The following EXOC1 variants were observed in gnomAD, a reference collection of about 807,000 sequenced individuals.
EXOC1 encodes the protein SEC3-like 1.
In EXOC1, 67 loss-of-function variants were observed where a neutral mutation model predicts 107.7. The observed-to-expected ratio is 0.62, with a 90% CI of 0.51 to 0.76. The LOEUF is 0.76. Ranked by LOEUF, EXOC1 falls within the 30% of genes least tolerant of loss-of-function variation. EXOC1 has a pLI of 0.00. For synonymous variants in EXOC1, 348 were observed against 353.5 expected (o/e 0.98, Z 0.17); for missense variants, 833 against 1,055.7 (o/e 0.79, Z 2.92).
rs200364809 is a variant in EXOC1, at chr4:55,867,028, TG to T, written c.416-1307del. On this transcript the variant is annotated intron_variant, in intron 4 of 18. Coordinates refer to ENST00000381295, the MANE Select transcript of EXOC1 (RefSeq NM_001024924.2). ...AAAATCTACATAGTAATAAAATTAA[TG>T]ATAGTATTTATTATTGGCTTTCAAG... 1,535 of 312,876 alleles carry T rather than the reference TG, an allele frequency of 4.9e-3. 101 individuals carry two copies. In the Admixed American group the frequency reaches 0.092, roughly 19 times the overall value. The allele number at this position is 312,876 out of a possible 1,614,324, so 19.4% of individuals were successfully genotyped here.
intron 3 of EXOC1, among the ~76,000 whole-genome samples, chr4:55,861,635 C>T (rs919943671): frequency 2.0e-5 from 3 of 152,204 alleles, no homozygotes; most frequent in African/African-American, 7.2e-5. Context: ...GTATTCTAGG[C>T]TTACTGGCCC....
At chr4:55,869,111 A>G (rs1197953315) in intron 5 of EXOC1, among the ~76,000 whole-genome samples, 3 of 152,158 alleles carry the variant, frequency 2.0e-5, no homozygotes, top group Non-Finnish European at 2.9e-5. Context: ...TACACCTGTA[A>G]TCTCAACACT....
chr4:55,875,163 T>C (rs1722775299), intron 8 of EXOC1, among the ~76,000 whole-genome samples: 1 of 152,160 alleles, frequency 6.6e-6, no homozygotes, highest in Non-Finnish European at 1.5e-5. Flanking sequence ...TTAGAAATTT[T>C]TCTCTCAACA....
intron 14 of EXOC1, 142 bp from the exon 15 acceptor site, chr4:55,893,410 A>G (rs1233902078): frequency 1.2e-5 from 9 of 770,766 alleles, no homozygotes; most frequent in African/African-American, 1.8e-5. Flanking sequence ...GTGAGCCACC[A>G]CGCCTGGCTA....
intron 11 of EXOC1, among the ~76,000 whole-genome samples, chr4:55,889,498 A>G (rs1724268389): frequency 6.6e-6 from 1 of 152,184 alleles, no homozygotes; most frequent in Non-Finnish European, 1.5e-5. Context: ...ACGGATACCA[A>G]AATTTTACCT....
chr4:55,864,461 T>C, intron 4 of EXOC1, 75 bp downstream of exon 4: 1 of 1,222,068 alleles, frequency 8.2e-7, no homozygotes. Context: ...ATCATTCAAA[T>C]TAATTAGAAT....
chr4:55,905,029 T>C lies in EXOC1; in HGVS notation c.*534T>C, dbSNP rs552390417. ...TTTCAAAAAAGTTGACATTTGATAATATTTTTAGGTCTATCATATGCTGTC... is the reference window on the plus strand; with the variant it reads ...TTTCAAAAAAGTTGACATTTGATAACATTTTTAGGTCTATCATATGCTGTC... On this transcript the variant is annotated 3_prime_UTR_variant, in exon 19 of 19. Coordinates refer to ENST00000381295, the MANE Select transcript of EXOC1 (RefSeq NM_001024924.2). The C allele has an allele frequency of 2.0e-5, 3 of 152,382 alleles. No individual in the cohort carries two copies. The Middle Eastern group carries it at 0.01, about 518-fold the overall frequency. The allele number at this position is 152,382 out of a possible 1,614,324, so 9.4% of individuals were successfully genotyped here.
chr4:55,860,608 A>G (rs1721385302), intron 3 of EXOC1, 67 bp downstream of exon 3: 1 of 1,535,094 alleles, frequency 6.5e-7, no homozygotes, highest in South Asian at 1.2e-5. Context: ...ATGGTATTAC[A>G]TATTCTAAAA....
intron 5 of EXOC1, among the ~76,000 whole-genome samples, chr4:55,870,190 T>A (rs1722300062): frequency 1.3e-5 from 2 of 152,232 alleles, no homozygotes; most frequent in South Asian, 4.1e-4. Context: ...TCCTTCAGAG[T>A]CTGGTATACC....
At chr4:55,870,632 G>T (rs1342735548) in intron 5 of EXOC1, 46 bp from the exon 6 acceptor site, 48 of 1,390,992 alleles carry the variant, frequency 3.5e-5, no homozygotes, top group Admixed American at 2.6e-4. Flanking sequence ...TATGTTTTTT[G>T]TTTGTTTGTT....
intron 8 of EXOC1, chr4:55,876,226 A>G (rs752972420): frequency 2.5e-4 from 248 of 985,198 alleles, no homozygotes; most frequent in Non-Finnish European, 2.9e-4. Flanking sequence ...ATTCTTCAAC[A>G]CTTTAGCTCT....
At chr4:55,862,812 C>T (rs1218299538) in intron 3 of EXOC1, among the ~76,000 whole-genome samples, 1 of 152,086 alleles carries the variant, frequency 6.6e-6, no homozygotes, top group Non-Finnish European at 1.5e-5. Flanking sequence ...TATTATTATT[C>T]TTTTACCCTG....
chr4:55,858,318 GA>G lies in EXOC1; in HGVS notation c.-2del. Reference sequence around the variant, plus strand: ...TCTATACTCCACATTTTTCAGCTGAGAAAAGATGACAGCAATCAAGCATGCA... The same window carrying G: ...TCTATACTCCACATTTTTCAGCTGAGAAAGATGACAGCAATCAAGCATGCA... On this transcript the variant is annotated 5_prime_UTR_variant, in exon 2 of 19. Coordinates refer to ENST00000381295, the MANE Select transcript of EXOC1 (RefSeq NM_001024924.2). 2 of 1,602,782 alleles carry G rather than the reference GA, an allele frequency of 1.2e-6. No homozygotes were observed. The highest frequency in any genetic ancestry group is 1.7e-5 in the Admixed American group (1 of 58,208).
At chr4:55,861,634 G>A (rs562765656) in intron 3 of EXOC1, among the ~76,000 whole-genome samples, 2 of 152,250 alleles carry the variant, frequency 1.3e-5, no homozygotes, top group African/African-American at 4.8e-5. Context: ...AGTATTCTAG[G>A]CTTACTGGCC....
chr4:55,864,420 A>G (rs751406878), intron 4 of EXOC1, 34 bp downstream of exon 4: 18 of 1,515,676 alleles, frequency 1.2e-5, no homozygotes, highest in South Asian at 3.6e-5. Context: ...TGTAAAATCA[A>G]TTATATCTTT....
intron 4 of EXOC1, among the ~76,000 whole-genome samples, chr4:55,865,478 C>T (rs1721873018): frequency 6.6e-6 from 1 of 152,194 alleles, no homozygotes; most frequent in Non-Finnish European, 1.5e-5. Context: ...TAGTCCCCAA[C>T]ATCTTGGTAA....
At chr4:55,873,247 G>A (rs1160256886) in intron 8 of EXOC1, among the ~76,000 whole-genome samples, 3 of 152,034 alleles carry the variant, frequency 2.0e-5, no homozygotes, top group African/African-American at 7.2e-5. Context: ...TTATGACAGC[G>A]AGACTGTGGG....
At chr4:55,868,161 T>C (rs1475647768) in intron 4 of EXOC1, among the ~76,000 whole-genome samples, 175 bp from the exon 5 acceptor site, 1 of 152,204 alleles carries the variant, frequency 6.6e-6, no homozygotes, top group African/African-American at 2.4e-5. Flanking sequence ...TTCATTAACA[T>C]ATTAAATTAT....
At chr4:55,866,250 C>T (rs1721948497) in intron 4 of EXOC1, among the ~76,000 whole-genome samples, 1 of 152,100 alleles carries the variant, frequency 6.6e-6, no homozygotes, top group South Asian at 2.1e-4. Context: ...AATAATGGGG[C>T]TCCTCAGCAG....
Sources: gnomAD v4.1 joint callset for allele counts (sites outside exome capture counted in the v4.1 genomes callset) on GRCh38, gnomAD v4.1.1 for gene constraint, MANE v1.5 for transcripts, NCBI Gene and HGNC (gene_info 2026-07-23, HGNC 2026-07-21) for gene names.